EDEM2: variants seen among roughly 807,000 people sequenced by gnomAD.
The protein encoded by EDEM2 is ER degradation enhancing alpha-mannosidase like protein 2, also known as ER degradation-enhancing alpha-mannosidase-like protein 2.
A neutral mutation model predicts 64.8 loss-of-function variants in EDEM2; 39 were observed. That is an observed-to-expected ratio of 0.60 (90% CI 0.47 to 0.79). EDEM2 has a LOEUF of 0.79. EDEM2 is among the 30% of genes least tolerant of loss of function. The pLI is 0.00. For missense variants in EDEM2, 609 were observed against 731.3 expected (o/e 0.83, Z 1.93); for synonymous variants, 296 against 291.5 (o/e 1.02, Z -0.16).
In EDEM2 at chr20:35,115,731, A is replaced by G; in HGVS notation, c.1439T>C (p.Ile480Thr). The change falls in exon 11 of 11, where the codon ATC becomes ACC. Residue 480 changes from isoleucine to threonine, a missense_variant. Physicochemically the swap from Ile to Thr is moderately conservative, Grantham distance 89. Coordinates refer to ENST00000374492, the MANE Select transcript of EDEM2 (RefSeq NM_018217.3). ...GYIFNTEAHPIDPAALHCCQR... is the reference protein window; with the variant it reads ...GYIFNTEAHPTDPAALHCCQR... ...GCAGCAGTGCAGGGCGGCAGGGTCG[A>G]TGGGGTGAGCTTCTGTGTTGAAGAT... 1 of 1,614,188 alleles carries G rather than the reference A, an allele frequency of 6.2e-7. No homozygotes were observed. The highest frequency in any genetic ancestry group is 8.5e-7 in the Non-Finnish European group (1 of 1,180,030).
At chr20:35,138,060 CA>C (rs2085602442) in intron 4 of EDEM2, 55 bp from the exon 5 acceptor site, 6 of 1,600,346 alleles carry the variant, frequency 3.7e-6, no homozygotes, top group Non-Finnish European at 5.1e-6. Context: ...ACCAAGGGAT[CA>C]AGGATCTTTC....
intron 3 of EDEM2, among the ~76,000 whole-genome samples, 170 bp downstream of exon 3, chr20:35,144,809 G>A (rs941400978): frequency 1.3e-5 from 2 of 152,162 alleles, no homozygotes; most frequent in Admixed American, 6.5e-5. Flanking sequence ...GTTGTAGTTC[G>A]TTTTTCCCCT....
In EDEM2 at chr20:35,115,861, G is replaced by A; in HGVS notation, c.1309C>T (p.Leu437Phe). The A allele has an allele frequency of 1.2e-6, 2 of 1,613,856 alleles. No individual in the cohort carries two copies. Among genetic ancestry groups the A allele is most frequent in the South Asian group, 1.1e-5 (1 of 91,088 alleles). ...SFFLAETVKY[L>F]YLLFDPTNFI... ...TTGGTTGGGTCAAACAGGAGGTAGA[G>A]GTATTTCACAGTCTCGGCCAGGAAG... Residue 437 changes from leucine (L) to phenylalanine (F), a missense_variant, in exon 11 of 11, where the codon CTC becomes TTC. Leu to Phe is a conservative substitution (Grantham distance 22). Transcript: ENST00000374492.
At chr20:35,119,139 A>G (rs1311825704) in intron 9 of EDEM2, among the ~76,000 whole-genome samples, 1 of 152,242 alleles carries the variant, frequency 6.6e-6, no homozygotes, top group Non-Finnish European at 1.5e-5. Context: ...ATATAAGCCC[A>G]GAACATGAGA....
chr20:35,134,989 G>C (rs1213519591), intron 5 of EDEM2, 40 bp from the exon 6 acceptor site: 2 of 1,597,174 alleles, frequency 1.3e-6, no homozygotes, highest in Non-Finnish European at 8.5e-7. Flanking sequence ...CAGGAGCAGG[G>C]GGATAGGGAT....
rs144583864 is a variant in EDEM2, at chr20:35,127,849, T to C, written c.845-1474A>G. On this transcript the variant is annotated intron_variant, in intron 7 of 10. Coordinates refer to ENST00000374492, the MANE Select transcript of EDEM2 (RefSeq NM_018217.3). Reference sequence around the variant, plus strand: ...CACTGAACTGTAGAGATGGTGGTCCTATAAAATTATAATAGAGGTGAAAAA... The same window carrying C: ...CACTGAACTGTAGAGATGGTGGTCCCATAAAATTATAATAGAGGTGAAAAA... Among the ~76,000 whole-genome samples the C allele has an allele frequency of 6.6e-5, 10 of 152,336 alleles. No homozygotes were observed. The East Asian group carries it at 1.9e-3, about 29-fold the overall frequency.
chr20:35,117,761 T>C lies in EDEM2; in HGVS notation c.1236+837A>G, dbSNP rs184338920. On this transcript the variant is annotated intron_variant, in intron 10 of 10. Transcript: ENST00000374492. ...CTATTTTCTTCTACTTTCATATTTA[T>C]ATCTTGCCTGCTTGGTTCCTGCATG... 1.8e-4 allele frequency among the ~76,000 whole-genome samples: 28 copies of C among 152,342 alleles called. No individual in the cohort carries two copies. In the East Asian group the frequency reaches 3.1e-3, roughly 17 times the overall value.
chr20:35,142,336 C>G (rs2146114779), intron 4 of EDEM2, 37 bp downstream of exon 4: 1 of 1,546,690 alleles, frequency 6.5e-7, no homozygotes, highest in Middle Eastern at 1.7e-4. Context: ...ACTTCACACT[C>G]TTTTTTCTTT....
At chr20:35,123,326 C>T (rs2085390478) in intron 9 of EDEM2, among the ~76,000 whole-genome samples, 2 of 152,202 alleles carry the variant, frequency 1.3e-5, no homozygotes, top group Non-Finnish European at 2.9e-5. Context: ...GTCGCAGTGG[C>T]TCACATCTGT....
At chr20:35,135,094 G>T in intron 5 of EDEM2, 145 bp from the exon 6 acceptor site, 1 of 820,720 alleles carries the variant, frequency 1.2e-6, no homozygotes, top group East Asian at 2.7e-5. Flanking sequence ...AAAGATAAAT[G>T]TCATAACTGG....
At position 35,146,683 on chromosome 20, in the gene EDEM2, T is replaced by C. The variant is rs1176328568; in HGVS notation, c.218+142A>G. The C allele has an allele frequency of 4.6e-6, 4 of 877,854 alleles. No homozygotes were observed. The African/African-American group carries it at 5.1e-5, about 11-fold the overall frequency. 54.4% of individuals were successfully genotyped at this position (877,854 alleles called of 1,614,324 possible). Reference sequence around the variant, plus strand: ...TGGATCCTGGAGGTGATAGTAAGAATTGCGGGGAGCGCGGCTCTAGCTCAG... The same window carrying C: ...TGGATCCTGGAGGTGATAGTAAGAACTGCGGGGAGCGCGGCTCTAGCTCAG... On this transcript the variant is annotated intron_variant, in intron 2 of 10. Coordinates refer to ENST00000374492, the MANE Select transcript of EDEM2 (RefSeq NM_018217.3).
At chr20:35,126,504 C>T in intron 7 of EDEM2, 129 bp from the exon 8 acceptor site, 4 of 1,137,812 alleles carry the variant, frequency 3.5e-6, no homozygotes, top group East Asian at 2.4e-5. Flanking sequence ...GGAGGCTAGA[C>T]AAGAGCATGG....
chr20:35,141,935 T>C (rs1044493032), intron 4 of EDEM2, among the ~76,000 whole-genome samples: 1 of 152,218 alleles, frequency 6.6e-6, no homozygotes, highest in Non-Finnish European at 1.5e-5. Context: ...ATTCCATAGT[T>C]GTAGTAGATA....
chr20:35,126,198 G>C (rs2085429878), intron 8 of EDEM2, 53 bp downstream of exon 8: 2 of 1,589,642 alleles, frequency 1.3e-6, no homozygotes. Flanking sequence ...ATCAGAATGA[G>C]CTTGCTTTGC....
intron 6 of EDEM2, chr20:35,133,955 T>C: frequency 2.7e-6 from 1 of 372,888 alleles, no homozygotes. Flanking sequence ...ACCAGAGAGG[T>C]TGAGTGACTT....
At chr20:35,138,071 C>T in intron 4 of EDEM2, 66 bp from the exon 5 acceptor site, 1 of 1,585,194 alleles carries the variant, frequency 6.3e-7, no homozygotes, top group Non-Finnish European at 8.6e-7. Flanking sequence ...AAGGATCTTT[C>T]CCCTGTGCGA....
At chr20:35,123,699 C>A (rs2085396064) in intron 9 of EDEM2, among the ~76,000 whole-genome samples, 191 bp downstream of exon 9, 1 of 152,190 alleles carries the variant, frequency 6.6e-6, no homozygotes, top group African/African-American at 2.4e-5. Context: ...TCCCACTAGG[C>A]CTCAGTTTCC....
intron 6 of EDEM2, 64 bp from the exon 7 acceptor site, chr20:35,131,847 C>T (rs527306672): frequency 1.3e-3 from 2,063 of 1,569,668 alleles, no homozygotes; most frequent in Non-Finnish European, 1.5e-3. Flanking sequence ...GATCTACTCA[C>T]CCCCAACCCT....
intron 5 of EDEM2, among the ~76,000 whole-genome samples, chr20:35,136,724 C>T (rs559974968): frequency 7.1e-6 from 1 of 140,870 alleles, no homozygotes; most frequent in African/African-American, 2.6e-5. Context: ...CACTGCACTC[C>T]AGCCTGGGCG....
Sources: allele counts gnomAD v4.1 joint callset (sites outside exome capture counted in the v4.1 genomes callset), GRCh38; gene constraint gnomAD v4.1.1; transcripts MANE v1.5; gene names NCBI Gene and HGNC (gene_info 2026-07-23, HGNC 2026-07-21).